CD96: variants seen among roughly 807,000 people sequenced by gnomAD.
The protein encoded by CD96 is CD96 molecule.
A neutral mutation model predicts 71.3 loss-of-function variants in CD96; 70 were observed. The ratio of observed to expected loss-of-function variants is 0.98; its 90% confidence interval spans 0.81 to 1.20. CD96 has a LOEUF of 1.20. Ranked by LOEUF, CD96 falls within the 50% of genes most tolerant of loss-of-function variation. CD96 has a pLI of 0.00. For synonymous variants in CD96, 248 were observed against 233.0 expected (o/e 1.06, Z -0.59); for missense variants, 742 against 677.5 (o/e 1.10, Z -1.06).
rs1285496308 is a variant in CD96, at chr3:111,545,393, C to G, written c.409C>G (p.Gln137Glu). 2.5e-6 allele frequency: 4 copies of G among 1,579,240 alleles called. No homozygotes were observed. The highest frequency in any genetic ancestry group is 3.5e-6 in the Non-Finnish European group (4 of 1,148,386). The change falls in exon 2 of 14, where the codon CAG becomes GAG. Residue 137 changes from glutamine to glutamate, a missense_variant. Coordinates refer to ENST00000352690, the MANE Select transcript of CD96 (RefSeq NM_005816.5). ...GACTAAAATCTACAACCTTCTCATT[C>G]AGACACACGGTAAGCATAACTGGTA... ...IQTKIYNLLI[Q>E]THVTADEWNS... is the part of the protein sequence containing the mutation.
At position 111,643,494 on chromosome 3, in the gene CD96, A is replaced by G. The variant is rs1218895862; in HGVS notation, c.1478-4049A>G. 2.6e-5 allele frequency among the ~76,000 whole-genome samples: 4 copies of G among 152,296 alleles called. No homozygotes were observed. In the South Asian group the frequency reaches 6.2e-4, roughly 24 times the overall value. ...GTCCTAGCCAAAGCAATCAGACAAGAGAAAGAAATAAAGGGCATCTAAATC... is the reference window on the plus strand; with the variant it reads ...GTCCTAGCCAAAGCAATCAGACAAGGGAAAGAAATAAAGGGCATCTAAATC... On this transcript the variant is annotated intron_variant, in intron 12 of 13. Transcript: ENST00000352690.
intron 4 of CD96, among the ~76,000 whole-genome samples, chr3:111,581,217 G>A (rs541784500): frequency 6.6e-6 from 1 of 152,212 alleles, no homozygotes; most frequent in African/African-American, 2.4e-5. Flanking sequence ...CAGAAAATTA[G>A]ATTTTTCGTG....
At position 111,662,809 on chromosome 3, in the gene CD96, C is replaced by T. The variant is rs145499382; in HGVS notation, c.*53-2718C>T. Among the ~76,000 whole-genome samples, 834 of 152,300 alleles carry T rather than the reference C, an allele frequency of 5.5e-3. 16 individuals are homozygous for T. The highest frequency in any genetic ancestry group is 0.019 in the African/African-American group (786 of 41,562). On this transcript the variant is annotated intron_variant and NMD_transcript_variant, in intron 14 of 14. Transcript: ENST00000494798. Reference sequence around the variant, plus strand: ...CATTCAACAAGTTTCTAGGAAGTTCCAAACTTTCCCTCATCTTCCTGCCTT... The same window carrying T: ...CATTCAACAAGTTTCTAGGAAGTTCTAAACTTTCCCTCATCTTCCTGCCTT...
intron 4 of CD96, among the ~76,000 whole-genome samples, chr3:111,581,711 C>G (rs1936475049): frequency 6.6e-6 from 1 of 152,360 alleles, no homozygotes; most frequent in Non-Finnish European, 1.5e-5. Flanking sequence ...ACCCTGTCAC[C>G]TCTGCAATTT....
chr3:111,560,242 C>G (rs1282573233), intron 2 of CD96, among the ~76,000 whole-genome samples: 1 of 151,576 alleles, frequency 6.6e-6, no homozygotes, highest in Non-Finnish European at 1.5e-5. Context: ...TGAATTTGAT[C>G]CTGTCATTAT....
Position 111,650,154 on chromosome 3 carries a change from T to A in CD96, c.*348T>A, listed in dbSNP as rs781011992. The A allele has an allele frequency of 3.4e-6, 1 of 295,610 alleles. No individual in the cohort carries two copies. The highest frequency in any genetic ancestry group is 6.7e-6 in the Non-Finnish European group (1 of 149,698). The allele number at this position is 295,610 out of a possible 1,614,324, so 18.3% of individuals were successfully genotyped here. A position where few individuals can be genotyped will look rare whatever the true frequency, so the allele number is the denominator to read the frequency against. Reference sequence around the variant, plus strand: ...AACAATGGTTTCAACTGTATGCCCATGCCTGATCCTCTTATTTGAACATCT... The same window carrying A: ...AACAATGGTTTCAACTGTATGCCCAAGCCTGATCCTCTTATTTGAACATCT... On this transcript the variant is annotated 3_prime_UTR_variant, in exon 14 of 14. Coordinates refer to ENST00000352690, the MANE Select transcript of CD96 (RefSeq NM_005816.5).
intron 10 of CD96, among the ~76,000 whole-genome samples, chr3:111,629,540 G>C (rs1372795676): frequency 1.3e-5 from 2 of 152,176 alleles, no homozygotes; most frequent in Non-Finnish European, 2.9e-5. Flanking sequence ...CCCTCAAAGA[G>C]ACTTAGACTC....
At chr3:111,548,679 G>A (rs1934539585) in intron 2 of CD96, among the ~76,000 whole-genome samples, 3 of 152,154 alleles carry the variant, frequency 2.0e-5, no homozygotes, top group African/African-American at 4.8e-5. Context: ...GCCTTGGTGG[G>A]CTGTTAATGT....
chr3:111,643,254 C>CA (rs796274312), intron 12 of CD96, among the ~76,000 whole-genome samples: 2 of 150,960 alleles, frequency 1.3e-5, no homozygotes, highest in Admixed American at 6.6e-5. Flanking sequence ...TCAATTGATA[C>CA]AAAAAAAAAT....
intron 1 of CD96, among the ~76,000 whole-genome samples, chr3:111,544,596 TG>T: frequency 6.6e-6 from 1 of 152,344 alleles, no homozygotes; most frequent in African/African-American, 2.4e-5. Context: ...TCAAAGAAAT[TG>T]CTATACACAT....
At position 111,557,222 on chromosome 3, in the gene CD96, C is replaced by T. The variant is rs112037625; in HGVS notation, c.419-10301C>T. Among the ~76,000 whole-genome samples the T allele has an allele frequency of 6.7e-3, 753 of 112,146 alleles. 2 individuals are homozygous for T. Among genetic ancestry groups the T allele is most frequent in the East Asian group, 0.024 (94 of 3,864 alleles). The allele number at this position is 112,146 out of a possible 152,430, so 73.6% of individuals were successfully genotyped here. ...CTCTTTAGTTTAATTAGATCCCATT[C>T]GTCAATTTTGGCTTTTGTTGCCATT... On this transcript the variant is annotated intron_variant, in intron 2 of 13. Transcript: ENST00000352690.
intron 14 of CD96, among the ~76,000 whole-genome samples, chr3:111,661,322 G>A (rs1227819083): frequency 6.6e-6 from 1 of 152,136 alleles, no homozygotes; most frequent in Non-Finnish European, 1.5e-5. Context: ...TGGGGACACA[G>A]ATCCAAACCA....
At chr3:111,589,256 T>C (rs924477838) in intron 5 of CD96, among the ~76,000 whole-genome samples, 2 of 152,222 alleles carry the variant, frequency 1.3e-5, no homozygotes, top group South Asian at 2.1e-4. Flanking sequence ...GGCCTGTTTT[T>C]GTTTTTTATA....
At chr3:111,572,475 A>C (rs910630579) in intron 3 of CD96, among the ~76,000 whole-genome samples, 8 of 152,238 alleles carry the variant, frequency 5.3e-5, no homozygotes, top group Non-Finnish European at 1.0e-4. Flanking sequence ...AAGGACACAA[A>C]TATTCCAGCC....
At chr3:111,578,814 G>T (rs1005775754) in intron 3 of CD96, among the ~76,000 whole-genome samples, 1 of 152,164 alleles carries the variant, frequency 6.6e-6, no homozygotes, top group Non-Finnish European at 1.5e-5. Context: ...AGAACAGAAT[G>T]CTTCCATTTG....
In CD96 at chr3:111,650,925, A is replaced by G. The variant is rs945344836; in HGVS notation, c.*1119A>G. On this transcript the variant is annotated 3_prime_UTR_variant, in exon 14 of 14. Coordinates refer to ENST00000352690, the MANE Select transcript of CD96 (RefSeq NM_005816.5). ...AGGGAAAAACAGATGTTGTTGACAG[A>G]TAGAGTGATAGGCAAATTCTGTGTG... is the stretch of plus-strand genomic sequence containing the variant. The G allele has an allele frequency of 2.0e-5, 3 of 152,146 alleles. No homozygotes were observed. The highest frequency in any genetic ancestry group is 4.4e-5 in the Non-Finnish European group (3 of 68,058). 9.4% of individuals were successfully genotyped at this position (152,146 alleles called of 1,614,324 possible).
At chr3:111,609,099 C>A (rs190373163) in intron 8 of CD96, among the ~76,000 whole-genome samples, 234 of 152,234 alleles carry the variant, frequency 1.5e-3, no homozygotes, top group Non-Finnish European at 2.8e-3. Flanking sequence ...ATATTTGACT[C>A]AGTGGAGAGC....
At chr3:111,573,803 T>C (rs574330869) in intron 3 of CD96, among the ~76,000 whole-genome samples, 2 of 145,378 alleles carry the variant, frequency 1.4e-5, no homozygotes, top group East Asian at 3.9e-4. Flanking sequence ...TAAGTGGTAC[T>C]ATAGACAATG....
chr3:111,577,576 A>G, intron 3 of CD96: 2 of 1,442,972 alleles, frequency 1.4e-6, no homozygotes, highest in Non-Finnish European at 2.0e-6. Context: ...AGGAAAAAGA[A>G]TTCAGCAGAG....
Sources: allele counts gnomAD v4.1 joint callset (sites outside exome capture counted in the v4.1 genomes callset), GRCh38; gene constraint gnomAD v4.1.1; transcripts MANE v1.5; gene names NCBI Gene and HGNC (gene_info 2026-07-23, HGNC 2026-07-21).